The following MYO1D variants were observed in gnomAD, a reference collection of about 807,000 sequenced individuals.
MYO1D encodes myosin ID, also known as unconventional myosin-Id.
In MYO1D, 83 loss-of-function variants were observed where a neutral mutation model predicts 122.0. That is an observed-to-expected ratio of 0.68 (90% CI 0.57 to 0.82). The LOEUF (loss-of-function observed/expected upper bound fraction) is 0.82, where lower values mean the gene tolerates loss of function less well. Among genes scored for constraint, MYO1D ranks in the 40% least tolerant of loss-of-function variants. MYO1D has a pLI of 0.00. For missense variants in MYO1D, 1,157 were observed against 1,269.5 expected (o/e 0.91, Z 1.35); for synonymous variants, 464 against 446.9 (o/e 1.04, Z -0.48).
At chr17:32,766,598 GT>G (rs2090060187) in intron 7 of MYO1D, among the ~76,000 whole-genome samples, 1 of 151,970 alleles carries the variant, frequency 6.6e-6, no homozygotes, top group African/African-American at 2.4e-5. Context: ...GATCGAGACT[GT>G]CCTGGCTATG....
chr17:32,550,461 T>C (rs2087002865), intron 21 of MYO1D, among the ~76,000 whole-genome samples: 1 of 152,116 alleles, frequency 6.6e-6, no homozygotes, highest in African/African-American at 2.4e-5. Context: ...TTTTTTTTGG[T>C]GTTCACTGTC....
At chr17:32,763,763 T>C (rs924521268) in intron 8 of MYO1D, among the ~76,000 whole-genome samples, 2 of 151,870 alleles carry the variant, frequency 1.3e-5, no homozygotes, top group East Asian at 1.9e-4. Context: ...CTACTAAAAA[T>C]ACAAAAATTA....
At chr17:32,856,255 A>G (rs2151084693) in intron 1 of MYO1D, among the ~76,000 whole-genome samples, 1 of 152,322 alleles carries the variant, frequency 6.6e-6, no homozygotes, top group Non-Finnish European at 1.5e-5. Context: ...CTGCTGCTCC[A>G]GATTCCAGCG....
At chr17:32,786,125 T>C (rs1426373434) in intron 1 of MYO1D, among the ~76,000 whole-genome samples, 1 of 152,174 alleles carries the variant, frequency 6.6e-6, no homozygotes, top group African/African-American at 2.4e-5. Context: ...AGTTCCTGAG[T>C]AGCCAAACCA....
Position 32,823,581 on chromosome 17 carries a change from G to A in MYO1D, c.96-42797C>T, listed in dbSNP as rs1053889853. On this transcript the variant is annotated intron_variant, in intron 1 of 21. Transcript: ENST00000318217. ...TGGTCATATATATCCCCAATTTGGCGAAATACACCTAGGAAAACTGATAAT... is the reference window on the plus strand; with the variant it reads ...TGGTCATATATATCCCCAATTTGGCAAAATACACCTAGGAAAACTGATAAT... Among the ~76,000 whole-genome samples, 3 of 151,960 alleles carry A rather than the reference G, an allele frequency of 2.0e-5. 1 individual carries two copies. The highest frequency in any genetic ancestry group is 4.1e-4 in the South Asian group (2 of 4,822).
chr17:32,541,750 T>C (rs1194015210), intron 21 of MYO1D, among the ~76,000 whole-genome samples: 1 of 152,148 alleles, frequency 6.6e-6, no homozygotes, highest in African/African-American at 2.4e-5. Flanking sequence ...GCATTCTTAT[T>C]ATTCACCTGG....
chr17:32,572,439 C>T (rs974260442), intron 21 of MYO1D, among the ~76,000 whole-genome samples: 1 of 152,206 alleles, frequency 6.6e-6, no homozygotes, highest in Admixed American at 6.5e-5. Context: ...TAAGTCCTGT[C>T]ATTTCTACCT....
chr17:32,659,537 C>T (rs909844707), intron 16 of MYO1D, 199 bp from the exon 17 acceptor site: 3 of 595,406 alleles, frequency 5.0e-6, no homozygotes, highest in Non-Finnish European at 9.0e-6. Flanking sequence ...CATTTTGTTT[C>T]AGCTGTCTAG....
chr17:32,838,708 A>G (rs987455291), intron 1 of MYO1D, among the ~76,000 whole-genome samples: 1 of 152,210 alleles, frequency 6.6e-6, no homozygotes, highest in African/African-American at 2.4e-5. Context: ...TCAGATAGGC[A>G]TTTTAGAAAG....
At chr17:32,814,368 A>C (rs1463845911) in intron 1 of MYO1D, among the ~76,000 whole-genome samples, 3 of 152,140 alleles carry the variant, frequency 2.0e-5, no homozygotes, top group Non-Finnish European at 4.4e-5. Context: ...AAAACAAAAA[A>C]CACTTCTGTG....
intron 21 of MYO1D, among the ~76,000 whole-genome samples, chr17:32,529,367 G>C (rs1910442545): frequency 6.7e-6 from 1 of 149,140 alleles, no homozygotes; most frequent in Non-Finnish European, 1.5e-5. Context: ...CCTGGACAGA[G>C]AGGAGGGAAG....
intron 15 of MYO1D, among the ~76,000 whole-genome samples, chr17:32,717,634 T>A (rs2089464109): frequency 6.6e-6 from 1 of 152,204 alleles, no homozygotes; most frequent in African/African-American, 2.4e-5. Context: ...TGACACAGAA[T>A]ACAATTCTAG....
chr17:32,589,520 A>G (rs1484810653), intron 21 of MYO1D, among the ~76,000 whole-genome samples: 1 of 152,186 alleles, frequency 6.6e-6, no homozygotes, highest in East Asian at 1.9e-4. Flanking sequence ...TCGTCGGACC[A>G]TGCAGAAGTG....
chr17:32,577,825 G>T (rs1204945441), intron 21 of MYO1D, among the ~76,000 whole-genome samples: 2 of 151,290 alleles, frequency 1.3e-5, no homozygotes, highest in African/African-American at 2.4e-5. Context: ...TGCAAGCTCT[G>T]CCTCCTGGGT....
chr17:32,760,857 A>G (rs1026669106), intron 8 of MYO1D, among the ~76,000 whole-genome samples: 8 of 152,192 alleles, frequency 5.3e-5, no homozygotes, highest in Admixed American at 1.3e-4. Context: ...ATTACCGGTC[A>G]TTATACCAAT....
intron 15 of MYO1D, among the ~76,000 whole-genome samples, chr17:32,720,558 C>G (rs1387493818): frequency 6.6e-6 from 1 of 152,080 alleles, no homozygotes; most frequent in Non-Finnish European, 1.5e-5. Context: ...ATTACTGACA[C>G]CAGTAATGAT....
chr17:32,614,627 C>A (rs746643859), intron 20 of MYO1D, among the ~76,000 whole-genome samples: 1 of 152,138 alleles, frequency 6.6e-6, no homozygotes, highest in South Asian at 2.1e-4. Context: ...CCCAGTCCCC[C>A]ACATCTTGTT....
Position 32,780,734 on chromosome 17 carries a change from A to C in MYO1D, c.146T>G (p.Val49Gly). The change falls in exon 2 of 22, where the codon GTG (valine) becomes GGG (glycine). Residue 49 changes from valine to glycine, a missense_variant. Physicochemically the swap from Val to Gly is moderately radical, Grantham distance 109. Transcript: ENST00000318217. ...GATGTTCAACAACTTGTAAGGGTTCACAGAAACGACGACTTCTCCAATGAA... is the reference window on the plus strand; with the variant it reads ...GATGTTCAACAACTTGTAAGGGTTCCCAGAAACGACGACTTCTCCAATGAA... ...YTFIGEVVVS[V>G]NPYKLLNIYG... The C allele has an allele frequency of 6.2e-7, 1 of 1,614,178 alleles. No individual in the cohort carries two copies. Among genetic ancestry groups the C allele is most frequent in the Non-Finnish European group, 8.5e-7 (1 of 1,180,024 alleles).
rs200717040 is a variant in MYO1D, at chr17:32,864,548, G to GAAAA, written c.95+12226_95+12229dup. Among the ~76,000 whole-genome samples the GAAAA allele has an allele frequency of 9.0e-3, 658 of 72,800 alleles. 30 individuals carry two copies. The highest frequency in any genetic ancestry group is 0.021 in the African/African-American group (419 of 19,708). The allele number at this position is 72,800 out of a possible 152,430, so 47.8% of individuals were successfully genotyped here. The stretch of plus-strand genomic sequence containing the variant: ...CTTCACATGTCTGAGTTCTACGAAT[G>GAAAA]AAAAAAAAAAAAAAAAAAAAAAAGG... On this transcript the variant is annotated intron_variant, in intron 1 of 21. Coordinates refer to ENST00000318217, the MANE Select transcript of MYO1D (RefSeq NM_015194.3).
Sources: allele counts gnomAD v4.1 joint callset (sites outside exome capture counted in the v4.1 genomes callset), GRCh38; gene constraint gnomAD v4.1.1; transcripts MANE v1.5; gene names NCBI Gene and HGNC (gene_info 2026-07-23, HGNC 2026-07-21).